CACNA1C: variants seen among roughly 807,000 people sequenced by gnomAD.
CACNA1C encodes the protein calcium voltage-gated channel subunit alpha1 C.
Under a neutral mutation model 229.0 loss-of-function variants are expected in CACNA1C, and 30 were observed. The ratio of observed to expected loss-of-function variants is 0.13; its 90% CI spans 0.10 to 0.18. CACNA1C has a LOEUF of 0.18. Among genes scored for constraint, CACNA1C ranks in the 10% least tolerant of loss-of-function variants. CACNA1C has a pLI of 1.00. For synonymous variants in CACNA1C, 1,114 were observed against 1,132.5 expected, an observed-to-expected ratio of 0.98 and a Z score of 0.33; for missense variants, 1,658 against 2,845.0, an observed-to-expected ratio of 0.58 and a Z score of 9.49.
intron 9 of CACNA1C, among the ~76,000 whole-genome samples, chr12:2,530,698 G>A (rs151220363): frequency 7.2e-4 from 110 of 152,256 alleles, no homozygotes; most frequent in African/African-American, 2.4e-3. Flanking sequence ...TTTTTCCAGC[G>A]GTGCTTCAGT....
chr12:2,219,068 A>G (rs2060755460), intron 3 of CACNA1C, among the ~76,000 whole-genome samples: 3 of 152,238 alleles, frequency 2.0e-5, no homozygotes, highest in Non-Finnish European at 4.4e-5. Context: ...TTAGATCAAC[A>G]AATATGTATC....
chr12:2,246,150 C>T (rs1176706081), intron 3 of CACNA1C, among the ~76,000 whole-genome samples: 3 of 152,100 alleles, frequency 2.0e-5, no homozygotes, highest in East Asian at 1.9e-4. Context: ...AAGATGGTGC[C>T]GGCAGCAAAC....
At chr12:2,343,834 C>T (rs1343731509) in intron 3 of CACNA1C, among the ~76,000 whole-genome samples, 1 of 152,146 alleles carries the variant, frequency 6.6e-6, no homozygotes, top group Non-Finnish European at 1.5e-5. Context: ...AATGGCAGAC[C>T]GGAGAGGCCA....
At chr12:2,596,491 T>C (rs986436504) in intron 20 of CACNA1C, among the ~76,000 whole-genome samples, 3 of 152,178 alleles carry the variant, frequency 2.0e-5, no homozygotes, top group African/African-American at 7.2e-5. Flanking sequence ...AGTTTAAGAA[T>C]TGCTCTATCT....
intron 3 of CACNA1C, among the ~76,000 whole-genome samples, chr12:2,163,551 T>C (rs574988483): frequency 1.3e-4 from 20 of 152,114 alleles, no homozygotes; most frequent in Non-Finnish European, 2.5e-4. Context: ...GGGTACACTT[T>C]TCTGTTTTCT....
chr12:2,159,096 T>C (rs1434193815), intron 3 of CACNA1C, among the ~76,000 whole-genome samples: 1 of 152,052 alleles, frequency 6.6e-6, no homozygotes, highest in African/African-American at 2.4e-5. Context: ...AGCTAAGGAA[T>C]TGAAAGCTTA....
intron 3 of CACNA1C, among the ~76,000 whole-genome samples, chr12:2,208,843 G>A (rs1381309466): frequency 2.0e-5 from 3 of 152,122 alleles, no homozygotes; most frequent in South Asian, 2.1e-4. Flanking sequence ...TCCACCTGGC[G>A]TAACCTAAGG....
intron 5 of CACNA1C, among the ~76,000 whole-genome samples, chr12:2,460,559 C>T (rs1006093952): frequency 2.6e-5 from 4 of 152,102 alleles, no homozygotes; most frequent in Non-Finnish European, 5.9e-5. Context: ...GGAAATTTCC[C>T]GAGGACGGAG....
intron 3 of CACNA1C, among the ~76,000 whole-genome samples, chr12:2,320,730 A>G (rs567902771): frequency 6.6e-6 from 1 of 152,156 alleles, no homozygotes; most frequent in African/African-American, 2.4e-5. Context: ...CCATCCCAAA[A>G]CACGGCTTCC....
At chr12:2,021,741 G>A (rs1030275867) in intron 1 of CACNA1C, among the ~76,000 whole-genome samples, 65 of 152,168 alleles carry the variant, frequency 4.3e-4, no homozygotes, top group Admixed American at 2.2e-3. Context: ...AGATCTAGGC[G>A]CCAGCATCTG....
intron 38 of CACNA1C, among the ~76,000 whole-genome samples, chr12:2,673,097 G>A (rs1342530977): frequency 6.6e-6 from 1 of 152,208 alleles, no homozygotes. Context: ...ATACTGGACT[G>A]CCGGTCCTAT....
chr12:2,690,195 A>T (rs549820625), intron 46 of CACNA1C: 15 of 152,998 alleles, frequency 9.8e-5, no homozygotes, highest in Admixed American at 8.5e-4. Context: ...CAGTTTCACC[A>T]GGGAGAATGG....
chr12:2,024,509 T>C (rs1372668806), intron 1 of CACNA1C, among the ~76,000 whole-genome samples: 1 of 152,170 alleles, frequency 6.6e-6, no homozygotes, highest in Non-Finnish European at 1.5e-5. Flanking sequence ...TGGCCCATGA[T>C]GGCTTCCCAC....
At chr12:2,659,715 AAATT>A (rs1405764919) in intron 34 of CACNA1C, among the ~76,000 whole-genome samples, 16 of 152,386 alleles carry the variant, frequency 1.0e-4, no homozygotes, top group African/African-American at 3.6e-4. Flanking sequence ...ATAAAAGCAT[AAATT>A]AATAAAATAT....
intron 1 of CACNA1C, among the ~76,000 whole-genome samples, chr12:2,003,077 C>A (rs936814697): frequency 1.4e-4 from 21 of 152,180 alleles, no homozygotes; most frequent in Non-Finnish European, 2.8e-4. Flanking sequence ...GACCTAAATT[C>A]TTTGCCCCAT....
intron 1 of CACNA1C, among the ~76,000 whole-genome samples, chr12:2,070,696 C>T (rs144391883): frequency 4.8e-4 from 73 of 152,192 alleles, no homozygotes; most frequent in Middle Eastern, 3.4e-3. Context: ...ATTAGTGTTA[C>T]GCAGTTTTAC....
chr12:2,453,685 C>G (rs2099398614), intron 4 of CACNA1C, among the ~76,000 whole-genome samples: 1 of 152,150 alleles, frequency 6.6e-6, no homozygotes, highest in South Asian at 2.1e-4. Context: ...CTGCAGAAAC[C>G]TTCCCACTGT....
chr12:2,536,557 A>C (rs2099856020), intron 9 of CACNA1C, among the ~76,000 whole-genome samples: 1 of 152,206 alleles, frequency 6.6e-6, no homozygotes, highest in Admixed American at 6.5e-5. Flanking sequence ...GGTGGGGCAC[A>C]GTAGCTCATG....
chr12:2,682,856 CA>C (rs373547199), intron 43 of CACNA1C, among the ~76,000 whole-genome samples, 178 bp downstream of exon 43: 13 of 36,962 alleles, frequency 3.5e-4, no homozygotes, highest in South Asian at 1.7e-3. Flanking sequence ...CCCCAACACA[CA>C]ACACACACAA....
Sources: gnomAD v4.1 joint callset for allele counts (sites outside exome capture counted in the v4.1 genomes callset) on GRCh38, gnomAD v4.1.1 for gene constraint, MANE v1.5 for transcripts, NCBI Gene and HGNC (gene_info 2026-07-23, HGNC 2026-07-21) for gene names.